Variants in DLEC1 observed in about 807,000 individuals in gnomAD.
The protein encoded by DLEC1 is DLEC1 cilia and flagella associated protein.
A neutral mutation model predicts 198.1 loss-of-function variants in DLEC1; 146 were observed. That is an observed-to-expected ratio of 0.74 (90% CI 0.64 to 0.85). The LOEUF (loss-of-function observed/expected upper bound fraction) is 0.85. Among genes scored for constraint, DLEC1 ranks in the 40% least tolerant of loss-of-function variants. DLEC1 has a pLI of 0.00. For missense variants in DLEC1, 2,233 were observed against 2,220.0 expected (o/e 1.01, Z -0.12); for synonymous variants, 897 against 866.8 (o/e 1.03, Z -0.61).
rs1007285482 is a variant in DLEC1, at chr3:38,097,284, G to A, written c.2434+9G>A. 8.3e-6 allele frequency: 13 copies of A among 1,570,958 alleles called. No homozygotes were observed. In the African/African-American group the frequency reaches 1.6e-4, roughly 20 times the overall value. On this transcript the variant is annotated intron_variant, in intron 16 of 36. Transcript: ENST00000308059. ...CGGCACAGGGGTCATAGGTACCTTG[G>A]GGACTGCAGGAGGGGTTGTGACCTG... is the stretch of plus-strand genomic sequence containing the variant.
In DLEC1 at chr3:38,095,905, T is replaced by C. The variant is rs1300166736; in HGVS notation, c.2130T>C (p.Ser710=). ...FSPHELRDFH[S]VLQMVLEEVP... is the part of the protein sequence containing the mutation. The stretch of plus-strand genomic sequence containing the variant: ...CCTTGCAGCTGAGGGATTTTCACAG[T>C]GTGCTCCAGATGGTGCTAGAGGAAG... Residue 710 remains serine (S), a synonymous_variant, in exon 14 of 37, where the codon AGT becomes AGC. Transcript: ENST00000308059. 4.3e-6 allele frequency: 7 copies of C among 1,613,890 alleles called. No individual in the cohort carries two copies. Among genetic ancestry groups the C allele is most frequent in the Non-Finnish European group, 5.9e-6 (7 of 1,179,992 alleles).
Position 38,100,288 on chromosome 3 carries a change from G to A in DLEC1, c.2727G>A (p.Val909=), listed in dbSNP as rs769058592. ...PVSLQERPED[V]SPFDIEPSSG... The stretch of plus-strand genomic sequence containing the variant: ...CTCCTGAGTGTTCTCCGGGGCAGGT[G>A]TCTCCCTTCGACATTGAGCCTTCGA... The change falls in exon 19 of 37, where the codon GTG becomes GTA. Residue 909 remains valine (V), a splice_region_variant and synonymous_variant. Coordinates refer to ENST00000308059, the MANE Select transcript of DLEC1 (RefSeq NM_007335.4). 7 of 1,608,326 alleles carry A rather than the reference G, an allele frequency of 4.4e-6. No homozygotes were observed. The East Asian group carries it at 1.3e-4, about 31-fold the overall frequency.
chr3:38,066,819 C>T (rs1697053538), intron 6 of DLEC1, among the ~76,000 whole-genome samples: 1 of 124,224 alleles, frequency 8.0e-6, no homozygotes, highest in African/African-American at 3.3e-5. Flanking sequence ...ATATGCTGAA[C>T]ATTAGAGGAA....
chr3:38,058,688 C>T (rs1696513330), intron 2 of DLEC1, among the ~76,000 whole-genome samples: 2 of 152,062 alleles, frequency 1.3e-5, no homozygotes, highest in Non-Finnish European at 2.9e-5. Flanking sequence ...ACAGAATGTA[C>T]ACCACCAAGA....
chr3:38,109,644 G>T (rs1413308666), intron 22 of DLEC1, 82 bp downstream of exon 22: 13 of 1,597,382 alleles, frequency 8.1e-6, no homozygotes, highest in Non-Finnish European at 1.0e-5. Context: ...CGGCACTGTG[G>T]TATCAGTCTG....
At chr3:38,083,412 A>G (rs997574438) in intron 6 of DLEC1, among the ~76,000 whole-genome samples, 1 of 152,186 alleles carries the variant, frequency 6.6e-6, no homozygotes, top group Non-Finnish European at 1.5e-5. Flanking sequence ...TTTTTGAGCC[A>G]GGATTGGCCA....
Position 38,122,783 on chromosome 3 carries a change from AC to A in DLEC1, c.*373del, listed in dbSNP as rs1048555565. 8.2e-5 allele frequency: 93 copies of A among 1,140,990 alleles called. No individual in the cohort carries two copies. The African/African-American group carries it at 1.4e-3, about 17-fold the overall frequency. 70.7% of individuals were successfully genotyped at this position (1,140,990 alleles called of 1,614,324 possible). ...TGGATTTGCCTTGCCTTAAGAATTAACCATGGCCTTGTGGCCTGGGTGACCC... is the reference window on the plus strand; with the variant it reads ...TGGATTTGCCTTGCCTTAAGAATTAACATGGCCTTGTGGCCTGGGTGACCC... On this transcript the variant is annotated 3_prime_UTR_variant, in exon 37 of 37. Coordinates refer to ENST00000308059, the MANE Select transcript of DLEC1 (RefSeq NM_007335.4).
At chr3:38,048,627 G>T (rs557696043) in intron 2 of DLEC1, among the ~76,000 whole-genome samples, 28 of 152,338 alleles carry the variant, frequency 1.8e-4, no homozygotes, top group African/African-American at 6.7e-4. Flanking sequence ...CAGCTTGGAA[G>T]GGGGTGGGAC....
At chr3:38,117,435 G>C (rs1421846811) in intron 31 of DLEC1, 92 bp from the exon 32 acceptor site, 5 of 1,604,546 alleles carry the variant, frequency 3.1e-6, no homozygotes, top group South Asian at 2.2e-5. Flanking sequence ...GGAGCCCAGG[G>C]AAAGGCTGGC....
chr3:38,094,714 C>G (rs1698917975), intron 12 of DLEC1, among the ~76,000 whole-genome samples, 165 bp from the exon 13 acceptor site: 1 of 152,186 alleles, frequency 6.6e-6, no homozygotes, highest in African/African-American at 2.4e-5. Flanking sequence ...GCTGCCCCTC[C>G]TCCATTGGAG....
intron 19 of DLEC1, among the ~76,000 whole-genome samples, chr3:38,100,767 G>T (rs953234927): frequency 1.3e-5 from 2 of 152,162 alleles, no homozygotes; most frequent in Non-Finnish European, 2.9e-5. Flanking sequence ...CACAGTGGGA[G>T]ATGTGTGCTC....
intron 19 of DLEC1, 135 bp from the exon 20 acceptor site, chr3:38,107,449 C>A: frequency 3.4e-6 from 3 of 890,972 alleles, no homozygotes; most frequent in South Asian, 2.5e-5. Context: ...TTGCCGAACC[C>A]ACTCATTAAT....
intron 6 of DLEC1, among the ~76,000 whole-genome samples, chr3:38,068,590 T>C (rs1233279278): frequency 6.6e-6 from 1 of 152,230 alleles, no homozygotes; most frequent in Non-Finnish European, 1.5e-5. Flanking sequence ...AAAACTGCTC[T>C]AGGAGTTATC....
Position 38,100,334 on chromosome 3 carries a change from G to A in DLEC1, c.2773G>A (p.Gly925Arg), listed in dbSNP as rs1317614819. ...EPSSGQLHSLGECRVDITLEA... is the reference protein window; with the variant it reads ...EPSSGQLHSLRECRVDITLEA... Reference sequence around the variant, plus strand: ...TTCGAGTGGCCAGCTTCACTCTCTGGGGGAGTGCAGGGTGGACATCACCTT... The same window carrying A: ...TTCGAGTGGCCAGCTTCACTCTCTGAGGGAGTGCAGGGTGGACATCACCTT... The change falls in exon 19 of 37, where the codon GGG becomes AGG. Residue 925 changes from glycine (G) to arginine (R), a missense_variant. By Grantham distance (125) the Gly-to-Arg change is moderately radical. Coordinates refer to ENST00000308059, the MANE Select transcript of DLEC1 (RefSeq NM_007335.4). The A allele has an allele frequency of 6.2e-7, 1 of 1,613,736 alleles. No individual in the cohort carries two copies. The highest frequency in any genetic ancestry group is 2.2e-5 in the East Asian group (1 of 44,852).
Position 38,079,148 on chromosome 3 carries a change from C to G in DLEC1, c.1174-5010C>G, listed in dbSNP as rs1323562333. Among the ~76,000 whole-genome samples the G allele has an allele frequency of 2.4e-4, 36 of 151,386 alleles. 1 individual carries two copies. The East Asian group carries it at 5.6e-3, about 24-fold the overall frequency. ...AGGTGGGGGAATACAAGAGGAGGGC[C>G]CAAAGGAGGCTTTGGATTGGGAAGA... On this transcript the variant is annotated intron_variant, in intron 6 of 36. Transcript: ENST00000308059.
chr3:38,097,383 T>G, intron 16 of DLEC1, 108 bp downstream of exon 16: 4 of 1,550,348 alleles, frequency 2.6e-6, no homozygotes, highest in Non-Finnish European at 3.5e-6. Context: ...CTGTGACTGC[T>G]CTGGCTGAGG....
At chr3:38,072,423 G>A (rs1050524521) in intron 6 of DLEC1, among the ~76,000 whole-genome samples, 95 of 152,170 alleles carry the variant, frequency 6.2e-4, no homozygotes, top group African/African-American at 2.2e-3. Context: ...AAGTTGTTTG[G>A]ACAAAAAGGC....
Position 38,097,270 on chromosome 3 carries a change from T to C in DLEC1, c.2429T>C (p.Val810Ala). 6.3e-7 allele frequency: 1 copy of C among 1,578,388 alleles called. No individual in the cohort carries two copies. The highest frequency in any genetic ancestry group is 8.6e-7 in the Non-Finnish European group (1 of 1,161,012). ...ATTGAAGTGGAGCCCGGCACAGGGG[T>C]CATAGGTACCTTGGGGACTGCAGGA... ...HIIEVEPGTG[V>A]IEPSEVGDFE... Residue 810 changes from valine to alanine, a missense_variant, in exon 16 of 37, where the codon GTC (valine) becomes GCC (alanine). By Grantham distance (64) the Val-to-Ala change is moderately conservative (BLOSUM62 0). Transcript: ENST00000308059.
intron 18 of DLEC1, 122 bp downstream of exon 18, chr3:38,098,024 C>CAGGCCGAAG: frequency 7.6e-7 from 1 of 1,310,692 alleles, no homozygotes; most frequent in Non-Finnish European, 1.0e-6. Context: ...AAAAGCCTGC[C>CAGGCCGAAG]TGGTGACTTC....
Sources: gnomAD v4.1 joint callset for allele counts (sites outside exome capture counted in the v4.1 genomes callset) on GRCh38, gnomAD v4.1.1 for gene constraint, MANE v1.5 for transcripts, NCBI Gene and HGNC (gene_info 2026-07-23, HGNC 2026-07-21) for gene names.